The following ZNF385B variants were observed in gnomAD, a reference collection of about 807,000 sequenced individuals.
The protein encoded by ZNF385B is zinc finger protein 533.
Under a neutral mutation model 39.2 loss-of-function variants are expected in ZNF385B, and 23 were observed. The ratio of observed to expected loss-of-function variants is 0.59; its 90% CI spans 0.42 to 0.83. The LOEUF (loss-of-function observed/expected upper bound fraction) is 0.83. ZNF385B is among the 40% of genes least tolerant of loss of function. ZNF385B has a pLI of 0.00. For missense variants in ZNF385B, 552 were observed against 598.9 expected (o/e 0.92, Z 0.82); for synonymous variants, 205 against 222.6 (o/e 0.92, Z 0.70).
chr2:179,545,039 C>T lies in ZNF385B; in HGVS notation c.299-70G>A, dbSNP rs1574716996. The T allele has an allele frequency of 1.7e-5, 28 of 1,600,214 alleles. No homozygotes were observed. In the East Asian group the frequency reaches 6.0e-4, roughly 35 times the overall value. ...CCATCTCCCTCCCAAACCTACAGTG[C>T]AAGAACAAGTCTGTTGAGCTGCAAC... On this transcript the variant is annotated intron_variant, in intron 3 of 9. Transcript: ENST00000410066.
At position 179,580,947 on chromosome 2, in the gene ZNF385B, G is replaced by A. The variant is rs561649050; in HGVS notation, c.299-35978C>T. On this transcript the variant is annotated intron_variant, in intron 3 of 9. Coordinates refer to ENST00000410066, the MANE Select transcript of ZNF385B (RefSeq NM_152520.6). ...AACCTGGAGTTGTGGCCTATGGAAT[G>A]TAAGAATGTCCTAGGCAAGGTTAGC... is the stretch of plus-strand genomic sequence containing the variant. 1.0e-3 allele frequency among the ~76,000 whole-genome samples: 158 copies of A among 152,308 alleles called. 1 individual carries two copies. Among genetic ancestry groups the A allele is most frequent in the Middle Eastern group, 3.4e-3 (1 of 294 alleles).
intron 3 of ZNF385B, among the ~76,000 whole-genome samples, chr2:179,699,930 A>G (rs535532697): frequency 1.3e-5 from 2 of 152,110 alleles, no homozygotes; most frequent in Non-Finnish European, 2.9e-5. Context: ...GACACCACTC[A>G]CCTTCAGAAC....
chr2:179,691,703 C>G (rs948521932), intron 3 of ZNF385B, among the ~76,000 whole-genome samples: 2 of 152,020 alleles, frequency 1.3e-5, no homozygotes, highest in Non-Finnish European at 2.9e-5. Flanking sequence ...AATTTCAGAG[C>G]AAAAACAAGT....
intron 3 of ZNF385B, among the ~76,000 whole-genome samples, chr2:179,684,741 C>T (rs1041008417): frequency 1.3e-5 from 2 of 152,174 alleles, no homozygotes; most frequent in Non-Finnish European, 2.9e-5. Context: ...GAACAGCAAA[C>T]CCTACCTAGT....
At chr2:179,472,675 C>T (rs1306548948) in intron 6 of ZNF385B, among the ~76,000 whole-genome samples, 1 of 152,172 alleles carries the variant, frequency 6.6e-6, no homozygotes, top group Non-Finnish European at 1.5e-5. Context: ...GTCAAATATA[C>T]GGGCTGACAA....
intron 1 of ZNF385B, among the ~76,000 whole-genome samples, chr2:179,812,375 G>C (rs1428677948): frequency 6.6e-6 from 1 of 152,296 alleles, no homozygotes; most frequent in Non-Finnish European, 1.5e-5. Flanking sequence ...CGATAGCAAA[G>C]ACATGGAATT....
chr2:179,795,485 T>C (rs1166039108), intron 1 of ZNF385B, among the ~76,000 whole-genome samples: 1 of 152,158 alleles, frequency 6.6e-6, no homozygotes, highest in Non-Finnish European at 1.5e-5. Context: ...CTGTGGTGTG[T>C]GCATTATAAA....
chr2:179,810,947 G>A (rs1706696236), intron 1 of ZNF385B, among the ~76,000 whole-genome samples: 1 of 152,012 alleles, frequency 6.6e-6, no homozygotes, highest in South Asian at 2.1e-4. Context: ...ACTGATAGAT[G>A]ACTTCAGTAA....
chr2:179,712,144 C>G (rs1031578367), intron 3 of ZNF385B, among the ~76,000 whole-genome samples: 3 of 152,042 alleles, frequency 2.0e-5, no homozygotes, highest in Admixed American at 2.0e-4. Context: ...TACACTAATT[C>G]AACTATTACA....
intron 3 of ZNF385B, chr2:179,746,041 C>A: frequency 9.3e-7 from 1 of 1,078,096 alleles, no homozygotes; most frequent in East Asian, 5.9e-5. Flanking sequence ...ACCAGAAGCA[C>A]TGTCAATGTA....
Position 179,523,863 on chromosome 2 carries a change from G to A in ZNF385B, c.442-5225C>T, listed in dbSNP as rs190818370. Reference sequence around the variant, plus strand: ...TCTGGAGAGCAGTGGCATGACTGAAGCCTTAAACTCATAGGATCAAATGAT... The same window carrying A: ...TCTGGAGAGCAGTGGCATGACTGAAACCTTAAACTCATAGGATCAAATGAT... On this transcript the variant is annotated intron_variant, in intron 4 of 9. Transcript: ENST00000410066. Among the ~76,000 whole-genome samples the A allele has an allele frequency of 9.9e-4, 150 of 152,258 alleles. 2 individuals carry two copies. The highest frequency in any genetic ancestry group is 5.8e-4 in the East Asian group (3 of 5,182).
chr2:179,655,778 A>G (rs1032310847), intron 3 of ZNF385B, among the ~76,000 whole-genome samples: 2 of 152,186 alleles, frequency 1.3e-5, no homozygotes, highest in Non-Finnish European at 2.9e-5. Flanking sequence ...CTAAAGGCAA[A>G]TATGTTTACC....
intron 3 of ZNF385B, among the ~76,000 whole-genome samples, chr2:179,575,954 T>A (rs980285421): frequency 3.9e-5 from 6 of 152,192 alleles, no homozygotes; most frequent in African/African-American, 1.2e-4. Flanking sequence ...AAAGTTGGAA[T>A]ACATTTAAAT....
intron 1 of ZNF385B, among the ~76,000 whole-genome samples, chr2:179,832,422 C>A (rs1708035176): frequency 6.6e-6 from 1 of 152,088 alleles, no homozygotes; most frequent in Non-Finnish European, 1.5e-5. Flanking sequence ...TCAGTATTTG[C>A]ATGTAAAAAA....
Position 179,854,038 on chromosome 2 carries a change from G to GA in ZNF385B, c.-155+7062dup, listed in dbSNP as rs1313676456. ...ATGTGCAATGGCTAATTTATTTAAA[G>GA]AAAATTTCATATATATAAAATTGAA... On this transcript the variant is annotated intron_variant, in intron 1 of 9. Transcript: ENST00000410066. Among the ~76,000 whole-genome samples the GA allele has an allele frequency of 2.0e-5, 3 of 152,092 alleles. No individual in the cohort carries two copies. The East Asian group carries it at 5.8e-4, about 29-fold the overall frequency.
intron 3 of ZNF385B, among the ~76,000 whole-genome samples, chr2:179,736,603 T>C (rs750354627): frequency 2.6e-5 from 4 of 152,346 alleles, no homozygotes; most frequent in Non-Finnish European, 4.4e-5. Flanking sequence ...CTGGTAAAGC[T>C]ACTTCTTGAG....
chr2:179,446,842 A>G (rs2049550270), intron 6 of ZNF385B, 72 bp from the exon 7 acceptor site: 1 of 1,494,130 alleles, frequency 6.7e-7, no homozygotes, highest in Non-Finnish European at 8.9e-7. Context: ...ACCATAGATG[A>G]ATTAAAAATA....
intron 6 of ZNF385B, among the ~76,000 whole-genome samples, chr2:179,466,077 C>T (rs1009830557): frequency 7.2e-5 from 11 of 152,140 alleles, no homozygotes; most frequent in African/African-American, 2.7e-4. Flanking sequence ...CACATAAATG[C>T]ATTTTAGCTG....
intron 3 of ZNF385B, among the ~76,000 whole-genome samples, chr2:179,698,007 C>T (rs1342289227): frequency 6.6e-6 from 1 of 152,054 alleles, no homozygotes; most frequent in African/African-American, 2.4e-5. Context: ...CACTTGGACA[C>T]AGGGTGGGGA....
Sources: gnomAD v4.1 joint callset for allele counts (sites outside exome capture counted in the v4.1 genomes callset) on GRCh38, gnomAD v4.1.1 for gene constraint, MANE v1.5 for transcripts, NCBI Gene and HGNC (gene_info 2026-07-23, HGNC 2026-07-21) for gene names.